The following CNBD1 variants were observed in gnomAD, a reference collection of about 807,000 sequenced individuals.
CNBD1 encodes the protein cyclic nucleotide-binding domain-containing protein 1.
A neutral mutation model predicts 54.4 loss-of-function variants in CNBD1; 71 were observed. The ratio of observed to expected loss-of-function variants is 1.30; its 90% CI spans 1.08 to 1.59. CNBD1 has a LOEUF of 1.59. CNBD1 is among the 40% of genes most tolerant of loss of function. The probability of loss-of-function intolerance (pLI) is 0.00; values close to 1 mark genes in which losing one functional copy is unlikely to be tolerated. For synonymous variants in CNBD1, 182 were observed against 170.7 expected (o/e 1.07, Z -0.51); for missense variants, 659 against 518.0 (o/e 1.27, Z -2.64).
intron 4 of CNBD1, among the ~76,000 whole-genome samples, chr8:87,129,083 A>AAAAAAAAAAAAAAAAAAAAC (rs1812062243): frequency 6.9e-6 from 1 of 145,346 alleles, no homozygotes; most frequent in Non-Finnish European, 1.5e-5. Flanking sequence ...AAAAAAAAAA[A>AAAAAAAAAAAAAAAAAAAAC]AAAAAAAAGA....
Position 87,351,692 on chromosome 8 carries a change from G to A in CNBD1, c.1050G>A (p.Val350=). ...WKKFPPGHVI[V]ESGNIISFVG... Reference sequence around the variant, plus strand: ...TATCTCTCTTCTTTTCAGTGATAGTGGAAAGTGGAAATATAATTTCTTTTG... The same window carrying A: ...TATCTCTCTTCTTTTCAGTGATAGTAGAAAGTGGAAATATAATTTCTTTTG... The change falls in exon 9 of 11, where the codon GTG becomes GTA. Residue 350 remains valine, a synonymous_variant. Coordinates refer to ENST00000518476, the MANE Select transcript of CNBD1 (RefSeq NM_173538.3). The A allele has an allele frequency of 1.3e-6, 2 of 1,508,256 alleles. No homozygotes were observed. The highest frequency in any genetic ancestry group is 5.1e-5 in the East Asian group (2 of 39,344). The allele number at this position is 1,508,256 out of a possible 1,614,324, so 93.4% of individuals were successfully genotyped here.
chr8:87,207,940 CA>C (rs1183889390), intron 5 of CNBD1, among the ~76,000 whole-genome samples: 2 of 152,178 alleles, frequency 1.3e-5, no homozygotes, highest in African/African-American at 2.4e-5. Context: ...GTTTCACTAC[CA>C]AAGAAGTCAA....
At chr8:87,385,641 C>T (rs539086909), downstream of CNBD1, among the ~76,000 whole-genome samples, 3 of 152,202 alleles carry the variant, frequency 2.0e-5, no homozygotes, top group East Asian at 5.8e-4. Flanking sequence ...GGGTGGGGCC[C>T]ACCGCAGCAC....
At chr8:87,375,486 T>C (rs145269669) in intron 10 of CNBD1, among the ~76,000 whole-genome samples, 3 of 151,958 alleles carry the variant, frequency 2.0e-5, no homozygotes, top group African/African-American at 7.2e-5. Context: ...TCAGTGACTT[T>C]ACTGAGAAAG....
chr8:87,256,014 T>TAC (rs1808014742), intron 6 of CNBD1, among the ~76,000 whole-genome samples: 9 of 18,466 alleles, frequency 4.9e-4, no homozygotes, highest in Non-Finnish European at 3.5e-4. Flanking sequence ...TATATATATA[T>TAC]ATTTTTTTTT....
downstream of CNBD1, among the ~76,000 whole-genome samples, chr8:87,386,972 A>T (rs1244645857): frequency 6.6e-6 from 1 of 152,192 alleles, no homozygotes; most frequent in Non-Finnish European, 1.5e-5. Context: ...TAAGAAAAGA[A>T]TTTTCAACCC....
At chr8:87,056,655 T>C (rs1009503688) in intron 4 of CNBD1, among the ~76,000 whole-genome samples, 6 of 152,106 alleles carry the variant, frequency 3.9e-5, no homozygotes, top group Non-Finnish European at 8.8e-5. Flanking sequence ...AACTAGAATA[T>C]ATGTGAACTA....
chr8:87,423,377 G>T (rs1034324091), intron 2 of CNBD1, among the ~76,000 whole-genome samples: 3 of 150,290 alleles, frequency 2.0e-5, no homozygotes, highest in Non-Finnish European at 1.5e-5. Context: ...AATGCTTCCA[G>T]TTTTTGCCCA....
At chr8:87,236,066 ATGAT>A (rs986512579) in intron 5 of CNBD1, among the ~76,000 whole-genome samples, 1 of 152,158 alleles carries the variant, frequency 6.6e-6, no homozygotes, top group African/African-American at 2.4e-5. Context: ...ATTAAAAAAA[ATGAT>A]TGGCCCTGAA....
intron 6 of CNBD1, among the ~76,000 whole-genome samples, chr8:87,277,065 G>A (rs1327863546): frequency 7.1e-6 from 1 of 140,220 alleles, no homozygotes; most frequent in African/African-American, 2.8e-5. Flanking sequence ...ATCATGATGG[G>A]TCATTTATAT....
chr8:87,132,657 A>G (rs1356623437), intron 4 of CNBD1, among the ~76,000 whole-genome samples: 2 of 147,734 alleles, frequency 1.4e-5, no homozygotes, highest in Admixed American at 1.4e-4. Flanking sequence ...TGTAAGATAT[A>G]TATCTAATAT....
At chr8:87,272,838 T>G (rs1808395385) in intron 6 of CNBD1, among the ~76,000 whole-genome samples, 1 of 151,974 alleles carries the variant, frequency 6.6e-6, no homozygotes, top group African/African-American at 2.4e-5. Flanking sequence ...TTTAAAAAAT[T>G]TATGATTATT....
intron 4 of CNBD1, among the ~76,000 whole-genome samples, chr8:87,062,390 AT>A (rs200894234): frequency 6.6e-6 from 1 of 152,122 alleles, no homozygotes; most frequent in Admixed American, 6.5e-5. Flanking sequence ...AAAAATGGAC[AT>A]TTTTTAACAG....
chr8:87,258,287 T>C (rs1417363082), intron 6 of CNBD1, among the ~76,000 whole-genome samples: 1 of 151,638 alleles, frequency 6.6e-6, no homozygotes, highest in African/African-American at 2.4e-5. Flanking sequence ...GACTCAAAAA[T>C]TTTTTAAAAG....
intron 2 of CNBD1, among the ~76,000 whole-genome samples, chr8:86,900,727 G>T (rs1401548076): frequency 6.6e-6 from 1 of 152,148 alleles, no homozygotes; most frequent in Non-Finnish European, 1.5e-5. Context: ...CAGGACTTCA[G>T]TTTTATATGC....
rs191837934 is a variant in CNBD1 at position 87,305,533 on chromosome 8, G to A, written c.1042+18862G>A. On this transcript the variant is annotated intron_variant, in intron 8 of 10. Transcript: ENST00000518476. ...CTATAAGGCCATAGTCACCAAAACAGCATGGGATTGGTATAAAAATAGGCA... is the reference window on the plus strand; with the variant it reads ...CTATAAGGCCATAGTCACCAAAACAACATGGGATTGGTATAAAAATAGGCA... Among the ~76,000 whole-genome samples, 63 of 152,230 alleles carry A rather than the reference G, an allele frequency of 4.1e-4. No homozygotes were observed. The East Asian group carries it at 9.3e-3, about 22-fold the overall frequency.
intron 4 of CNBD1, among the ~76,000 whole-genome samples, chr8:86,943,247 G>A (rs1563831336): frequency 2.0e-5 from 3 of 151,400 alleles, no homozygotes; most frequent in Admixed American, 1.3e-4. Flanking sequence ...TGGGTGTGGT[G>A]GCATGTGCCT....
chr8:86,868,405 C>CGATCTCA (rs1563804685), intron 1 of CNBD1, among the ~76,000 whole-genome samples: 1 of 152,090 alleles, frequency 6.6e-6, no homozygotes, highest in Non-Finnish European at 1.5e-5. Context: ...TGCAGTGGCA[C>CGATCTCA]GATCTCAGCT....
intron 4 of CNBD1, among the ~76,000 whole-genome samples, chr8:87,142,137 G>T (rs1349309712): frequency 6.6e-6 from 1 of 152,076 alleles, no homozygotes; most frequent in Non-Finnish European, 1.5e-5. Context: ...GAGAGAAAAA[G>T]GATAACAGAT....
Sources: allele counts gnomAD v4.1 joint callset (sites outside exome capture counted in the v4.1 genomes callset), GRCh38; gene constraint gnomAD v4.1.1; transcripts MANE v1.5; gene names NCBI Gene and HGNC (gene_info 2026-07-23, HGNC 2026-07-21).